Variants in TUBB8B observed in about 807,000 individuals in gnomAD.
TUBB8B encodes tubulin beta 8B.
A neutral mutation model predicts 31.9 loss-of-function variants in TUBB8B; 26 were observed. The ratio of observed to expected loss-of-function variants is 0.81; its 90% CI spans 0.60 to 1.13. TUBB8B has a LOEUF of 1.13. Ranked by LOEUF, TUBB8B falls within the 50% of genes most tolerant of loss-of-function variation. The pLI, the probability that TUBB8B is intolerant of heterozygous loss-of-function variation, is 0.00. For synonymous variants in TUBB8B, 173 were observed against 231.0 expected (o/e 0.75, Z 2.28); for missense variants, 467 against 586.7 (o/e 0.80, Z 2.11).
intron 3 of TUBB8B, 137 bp downstream of exon 3, chr18:48,803 G>T (rs1235878131): frequency 1.9e-5 from 14 of 738,690 alleles, no homozygotes; most frequent in Non-Finnish European, 2.9e-5. Flanking sequence ...GGAGGCAGAT[G>T]AAGCGACTCG....
the TUBB8B span, among the ~76,000 whole-genome samples, chr18:63,463 G>T: frequency 6.6e-5 from 10 of 151,324 alleles, no homozygotes; most frequent in South Asian, 8.3e-4. Context: ...TCTGTGCTAA[G>T]CCATGTGGAG....
chr18:49,591 C>T lies in TUBB8B; in HGVS notation c.-34G>A, dbSNP rs11876531. 0.5 allele frequency: 359,381 copies of T among 719,814 alleles called. 104,246 individuals carry two copies. The highest frequency in any genetic ancestry group is 0.97 in the East Asian group (33,719 of 34,694). The allele number at this position is 719,814 out of a possible 1,614,324, so 44.6% of individuals were successfully genotyped here. ...CAGGATTAGGGCGGCAGCAGAAGCG[C>T]GAGAAGGAGGAGCAGACGCGCAGCG... On this transcript the variant is annotated 5_prime_UTR_variant, in exon 1 of 4. Coordinates refer to ENST00000308911, the MANE Select transcript of TUBB8B (RefSeq NM_001358689.2).
At chr18:57,553 C>T in the TUBB8B span, among the ~76,000 whole-genome samples, 1 of 151,808 alleles carries the variant, frequency 6.6e-6, no homozygotes, top group Non-Finnish European at 1.5e-5. Context: ...CTCTCATGGG[C>T]TGGTATTGCG....
At chr18:70,103 G>A in the TUBB8B span, among the ~76,000 whole-genome samples, 3 of 152,262 alleles carry the variant, frequency 2.0e-5, no homozygotes, top group Non-Finnish European at 4.4e-5. Flanking sequence ...GCAGTCAGCC[G>A]AGATCTCCAC....
upstream of TUBB8B, among the ~76,000 whole-genome samples, chr18:51,741 T>A (rs1906116124): frequency 6.6e-6 from 1 of 151,908 alleles, no homozygotes; most frequent in Admixed American, 6.6e-5. Flanking sequence ...AAGGGGAGTT[T>A]CCCTACACAA....
At chr18:61,039 G>A in the TUBB8B span, among the ~76,000 whole-genome samples, 1 of 151,696 alleles carries the variant, frequency 6.6e-6, no homozygotes, top group Non-Finnish European at 1.5e-5. Flanking sequence ...TCTATCCAAT[G>A]ACTAAAGTAG....
chr18:72,292 G>A, the TUBB8B span, among the ~76,000 whole-genome samples: 1 of 151,772 alleles, frequency 6.6e-6, no homozygotes, highest in Non-Finnish European at 1.5e-5. Context: ...ATTTAAAATG[G>A]TCAAGGCCAA....
At chr18:57,289 TA>T in the TUBB8B span, among the ~76,000 whole-genome samples, 4 of 151,358 alleles carry the variant, frequency 2.6e-5, no homozygotes, top group Non-Finnish European at 5.9e-5. Flanking sequence ...GCTTGTAAAA[TA>T]AAAAACAAAT....
At chr18:65,312 A>T in the TUBB8B span, among the ~76,000 whole-genome samples, 491 of 150,086 alleles carry the variant, frequency 3.3e-3, 3 homozygotes, top group Middle Eastern at 0.01. Flanking sequence ...AAAAAAATTT[A>T]AAAAAAAAAT....
the TUBB8B span, among the ~76,000 whole-genome samples, chr18:60,898 C>T: frequency 4.4e-4 from 67 of 151,390 alleles, no homozygotes; most frequent in African/African-American, 1.6e-3. Flanking sequence ...TGAAAATAAC[C>T]CATGTGCAGA....
At chr18:67,186 G>A in the TUBB8B span, among the ~76,000 whole-genome samples, 45 of 152,060 alleles carry the variant, frequency 3.0e-4, no homozygotes, top group South Asian at 1.5e-3. Flanking sequence ...TAGTACAGAC[G>A]GGGTTTCACC....
the TUBB8B span, among the ~76,000 whole-genome samples, chr18:61,835 T>C: frequency 6.6e-6 from 1 of 151,740 alleles, no homozygotes; most frequent in Non-Finnish European, 1.5e-5. Context: ...TAGTTATTTT[T>C]TATTGGCTTA....
the TUBB8B span, among the ~76,000 whole-genome samples, chr18:57,986 G>C: frequency 6.6e-6 from 1 of 151,808 alleles, no homozygotes; most frequent in Non-Finnish European, 1.5e-5. Flanking sequence ...GCAGTGGCCA[G>C]GATGCAGGGA....
chr18:58,299 T>C, the TUBB8B span, among the ~76,000 whole-genome samples: 1 of 151,804 alleles, frequency 6.6e-6, no homozygotes, highest in Admixed American at 6.6e-5. Context: ...ATGCTTCCCT[T>C]GCAAGTAAAA....
chr18:52,834 G>A (rs570993523), upstream of TUBB8B, among the ~76,000 whole-genome samples: 2 of 151,828 alleles, frequency 1.3e-5, no homozygotes, highest in Admixed American at 6.6e-5. Context: ...CAGAAAACAA[G>A]AGCAGGAATG....
the TUBB8B span, among the ~76,000 whole-genome samples, chr18:57,414 A>G: frequency 6.6e-6 from 1 of 151,902 alleles, no homozygotes; most frequent in Non-Finnish European, 1.5e-5. Flanking sequence ...TCTGAAGCCC[A>G]GAAGGGGAGT....
upstream of TUBB8B, among the ~76,000 whole-genome samples, chr18:54,508 T>C (rs557517486): frequency 3.8e-4 from 57 of 151,784 alleles, 1 homozygote; most frequent in Non-Finnish European, 1.3e-4. Flanking sequence ...TGTACCCATT[T>C]CACATCCCCA....
the TUBB8B span, among the ~76,000 whole-genome samples, chr18:72,953 G>GA: frequency 1.2e-4 from 18 of 152,102 alleles, 1 homozygote; most frequent in African/African-American, 4.1e-4. Context: ...GGAAACGAGC[G>GA]AAAGTCCGTC....
chr18:48,614 C>G (rs969684871), intron 3 of TUBB8B, 167 bp from the exon 4 acceptor site: 1 of 696,024 alleles, frequency 1.4e-6, no homozygotes, highest in Non-Finnish European at 2.6e-6. Context: ...CAGCAGCTTC[C>G]CCTGTTAGAA....
Sources: allele counts gnomAD v4.1 joint callset (sites outside exome capture counted in the v4.1 genomes callset), GRCh38; gene constraint gnomAD v4.1.1; transcripts MANE v1.5; gene names NCBI Gene and HGNC (gene_info 2026-07-23, HGNC 2026-07-21).